ZNF423: variants seen among roughly 807,000 people sequenced by gnomAD.
The protein encoded by ZNF423 is zinc finger protein 423.
ZNF423 carries 12 observed loss-of-function variants against 95.8 expected under a neutral mutation model. The ratio of observed to expected loss-of-function variants is 0.13; its 90% CI spans 0.08 to 0.20. The LOEUF (loss-of-function observed/expected upper bound fraction) is 0.20. Among genes scored for constraint, ZNF423 ranks in the 10% least tolerant of loss-of-function variants. ZNF423 has a pLI of 1.00. For missense variants in ZNF423, 1,316 were observed against 1,737.1 expected, an observed-to-expected ratio of 0.76 and a Z score of 4.31; for synonymous variants, 749 against 711.9, an observed-to-expected ratio of 1.05 and a Z score of -0.83.
intron 3 of ZNF423, among the ~76,000 whole-genome samples, chr16:49,663,073 C>T (rs1188368034): frequency 1.3e-5 from 2 of 152,102 alleles, no homozygotes; most frequent in Non-Finnish European, 2.9e-5. Context: ...GCAGAGGAGG[C>T]CCCCAGAGTC....
In ZNF423 at chr16:49,491,315, G is replaced by A. The variant is rs1255474133; in HGVS notation, c.3850-11C>T. 1.2e-6 allele frequency: 2 copies of A among 1,613,930 alleles called. No homozygotes were observed. The highest frequency in any genetic ancestry group is 1.7e-6 in the Non-Finnish European group (2 of 1,180,022). On this transcript the variant is annotated splice_polypyrimidine_tract_variant and intron_variant, in intron 7 of 7. Coordinates refer to ENST00000563137, the MANE Select transcript of ZNF423 (RefSeq NM_001379286.1). ...GCTCATCGTGTGGTTCTGCAAAGGC[G>A]AAGAAAGGAGACACACATGAAGGAG...
chr16:49,769,085 TG>T (rs776819638), intron 2 of ZNF423, among the ~76,000 whole-genome samples: 1 of 152,062 alleles, frequency 6.6e-6, no homozygotes, highest in African/African-American at 2.4e-5. Flanking sequence ...AAAAGAAACT[TG>T]GGCACATGCC....
At chr16:49,554,839 C>G (rs142125946) in intron 5 of ZNF423, among the ~76,000 whole-genome samples, 53 of 152,190 alleles carry the variant, frequency 3.5e-4, no homozygotes, top group African/African-American at 1.2e-3. Flanking sequence ...AGATATAAAT[C>G]TTACACGAGA....
chr16:49,761,401 A>G (rs1460970945), intron 2 of ZNF423, among the ~76,000 whole-genome samples: 1 of 152,214 alleles, frequency 6.6e-6, no homozygotes, highest in Non-Finnish European at 1.5e-5. Flanking sequence ...ACAGATCCCC[A>G]GCGAGCCTGC....
chr16:49,755,704 G>A (rs891052959), intron 2 of ZNF423, among the ~76,000 whole-genome samples: 1 of 152,140 alleles, frequency 6.6e-6, no homozygotes, highest in Non-Finnish European at 1.5e-5. Flanking sequence ...CGAACCCTCT[G>A]TAAATTGTAG....
At chr16:49,841,702 C>G (rs1815964758) in intron 1 of ZNF423, among the ~76,000 whole-genome samples, 1 of 152,242 alleles carries the variant, frequency 6.6e-6, no homozygotes, top group African/African-American at 2.4e-5. Flanking sequence ...CTTGTCTGGT[C>G]CAGTGGTTAG....
chr16:49,701,898 G>A (rs2032195440), intron 3 of ZNF423, among the ~76,000 whole-genome samples: 1 of 152,128 alleles, frequency 6.6e-6, no homozygotes, highest in Admixed American at 6.5e-5. Context: ...CTTCTTCCTG[G>A]TGTGGATCTG....
chr16:49,695,788 A>G (rs572972401), intron 3 of ZNF423, among the ~76,000 whole-genome samples: 61 of 152,310 alleles, frequency 4.0e-4, no homozygotes, highest in African/African-American at 9.4e-4. Context: ...TGGAGCCTGG[A>G]GAGTGTGGAC....
At chr16:49,614,804 A>G (rs934790351) in intron 5 of ZNF423, among the ~76,000 whole-genome samples, 7 of 152,242 alleles carry the variant, frequency 4.6e-5, no homozygotes, top group Non-Finnish European at 8.8e-5. Context: ...AAATGTTTAA[A>G]GGACAAATAA....
chr16:49,789,418 G>T, intron 2 of ZNF423, 69 bp downstream of exon 2: 1 of 1,482,972 alleles, frequency 6.7e-7, no homozygotes, highest in Non-Finnish European at 9.2e-7. Context: ...CCAGCTGGGT[G>T]GCTTTCTGAG....
intron 3 of ZNF423, among the ~76,000 whole-genome samples, chr16:49,680,376 T>C (rs1445523748): frequency 6.6e-6 from 1 of 152,214 alleles, no homozygotes; most frequent in East Asian, 1.9e-4. Context: ...TTCCTGGACA[T>C]GGGACAAGAA....
intron 7 of ZNF423, among the ~76,000 whole-genome samples, chr16:49,499,556 C>A (rs754048827): frequency 2.2e-4 from 34 of 152,142 alleles, no homozygotes; most frequent in Admixed American, 1.7e-3. Flanking sequence ...AGCCTCTGAC[C>A]CAGACTCCTT....
chr16:49,535,078 C>A (rs868814265), intron 5 of ZNF423, among the ~76,000 whole-genome samples: 33 of 152,278 alleles, frequency 2.2e-4, no homozygotes, highest in African/African-American at 7.9e-4. Flanking sequence ...GCTGCATGCA[C>A]CCCCCAACCC....
At chr16:49,741,754 G>A (rs561237151) in intron 2 of ZNF423, among the ~76,000 whole-genome samples, 7 of 152,202 alleles carry the variant, frequency 4.6e-5, no homozygotes, top group Admixed American at 2.6e-4. Context: ...GCAGTCAGCT[G>A]AGCAGTCAGC....
In ZNF423 at chr16:49,729,639, CTATTATTAT is replaced by C. The variant is rs34889282; in HGVS notation, c.301+1123_301+1131del. On this transcript the variant is annotated intron_variant, in intron 3 of 7. Transcript: ENST00000563137. ...CAAAACTGTAAGATTCCTCTTAGGT[CTATTATTAT>C]TATTATTATTATTATTATTATTATT... is the stretch of plus-strand genomic sequence containing the variant. Among the ~76,000 whole-genome samples the C allele has an allele frequency of 5.8e-3, 802 of 138,936 alleles. 5 individuals carry two copies. Among genetic ancestry groups the C allele is most frequent in the East Asian group, 0.015 (70 of 4,738 alleles). The allele number at this position is 138,936 out of a possible 152,430, so 91.1% of individuals were successfully genotyped here.
chr16:49,791,223 A>G (rs1181093468), intron 1 of ZNF423, among the ~76,000 whole-genome samples: 1 of 152,134 alleles, frequency 6.6e-6, no homozygotes, highest in Non-Finnish European at 1.5e-5. Flanking sequence ...TTGAGCTGGG[A>G]CCCAAGCTAT....
At chr16:49,747,543 C>T (rs772101239) in intron 2 of ZNF423, among the ~76,000 whole-genome samples, 17 of 151,852 alleles carry the variant, frequency 1.1e-4, no homozygotes, top group Non-Finnish European at 2.2e-4. Context: ...CAAGCCCTAA[C>T]GGGGCAGGAA....
At chr16:49,815,876 AAAAAAATATATATATATATAT>A (rs1567356069) in intron 1 of ZNF423, among the ~76,000 whole-genome samples, 24 of 72,112 alleles carry the variant, frequency 3.3e-4, no homozygotes, top group South Asian at 9.9e-4. Context: ...CAAACAAAAA[AAAAAAATATATATATATATAT>A]ATATATATAT....
intron 5 of ZNF423, among the ~76,000 whole-genome samples, chr16:49,542,887 G>A (rs533397765): frequency 7.2e-5 from 11 of 152,248 alleles, no homozygotes; most frequent in South Asian, 2.1e-4. Flanking sequence ...AGAGCACCCC[G>A]TGGCCCCCAC....
Sources: gnomAD v4.1 joint callset for allele counts (sites outside exome capture counted in the v4.1 genomes callset) on GRCh38, gnomAD v4.1.1 for gene constraint, MANE v1.5 for transcripts, NCBI Gene and HGNC (gene_info 2026-07-23, HGNC 2026-07-21) for gene names.